The following KLF3 variants were observed in gnomAD, a reference collection of about 807,000 sequenced individuals.
The protein encoded by KLF3 is KLF transcription factor 3.
KLF3 carries 6 observed loss-of-function variants against 32.7 expected under a neutral mutation model. The observed-to-expected ratio is 0.18, with a 90% CI of 0.10 to 0.36. The LOEUF (loss-of-function observed/expected upper bound fraction) is 0.36, where lower values mean the gene tolerates loss of function less well. Among genes scored for constraint, KLF3 ranks in the 10% least tolerant of loss-of-function variants. The pLI, the probability that KLF3 is intolerant of heterozygous loss-of-function variation, is 1.00. For synonymous variants in KLF3, 145 were observed against 172.8 expected (o/e 0.84, Z 1.26); for missense variants, 338 against 449.7 (o/e 0.75, Z 2.25).
rs550720417 is a variant in KLF3, at chr4:38,700,239, A to G, written c.*2976A>G. 6.6e-6 allele frequency: 1 copy of G among 152,330 alleles called. No homozygotes were observed. The highest frequency in any genetic ancestry group is 2.4e-5 in the African/African-American group (1 of 41,582). 9.4% of individuals were successfully genotyped at this position (152,330 alleles called of 1,614,324 possible). ...ACACAGAAGTTTCAAGAGCCTTGGAACAGAATTACAGGGGAACTATATATG... is the reference window on the plus strand; with the variant it reads ...ACACAGAAGTTTCAAGAGCCTTGGAGCAGAATTACAGGGGAACTATATATG... On this transcript the variant is annotated 3_prime_UTR_variant, in exon 6 of 6. Coordinates refer to ENST00000261438, the MANE Select transcript of KLF3 (RefSeq NM_016531.6).
In KLF3 at chr4:38,701,026, ACCAT is replaced by A. The variant is rs1161906330; in HGVS notation, c.*3765_*3768del. Reference sequence around the variant, plus strand: ...TATATATTATATACTTGTTAATAAAACCATCAGAATATTAAATGTGATCATGTGA... The same window carrying A: ...TATATATTATATACTTGTTAATAAAACAGAATATTAAATGTGATCATGTGA... On this transcript the variant is annotated 3_prime_UTR_variant, in exon 6 of 6. Coordinates refer to ENST00000261438, the MANE Select transcript of KLF3 (RefSeq NM_016531.6). 1 of 152,232 alleles carries A rather than the reference ACCAT, an allele frequency of 6.6e-6. No homozygotes were observed. Among genetic ancestry groups the A allele is most frequent in the East Asian group, 1.9e-4 (1 of 5,202 alleles). The allele number at this position is 152,232 out of a possible 1,614,324, so 9.4% of individuals were successfully genotyped here.
intron 1 of KLF3, among the ~76,000 whole-genome samples, chr4:38,668,994 C>A (rs1722118765): frequency 6.6e-6 from 1 of 152,262 alleles, no homozygotes; most frequent in South Asian, 2.1e-4. Flanking sequence ...CATTGTGTCT[C>A]CATCGCCCCT....
At position 38,673,539 on chromosome 4, in the gene KLF3, A is replaced by G. The variant is rs145285154; in HGVS notation, c.-39-7048A>G. ...TGCCTGCCCTTAAAACTAAAACACAAAATTGTCAGAGAGCATAAACAAGTG... is the reference window on the plus strand; with the variant it reads ...TGCCTGCCCTTAAAACTAAAACACAGAATTGTCAGAGAGCATAAACAAGTG... On this transcript the variant is annotated intron_variant, in intron 1 of 5. Coordinates refer to ENST00000261438, the MANE Select transcript of KLF3 (RefSeq NM_016531.6). 2.0e-5 allele frequency among the ~76,000 whole-genome samples: 3 copies of G among 152,328 alleles called. 1 individual carries two copies. Among genetic ancestry groups the G allele is most frequent in the South Asian group, 4.1e-4 (2 of 4,828 alleles).
chr4:38,666,360 A>G (rs969806430), intron 1 of KLF3, among the ~76,000 whole-genome samples: 1 of 152,118 alleles, frequency 6.6e-6, no homozygotes, highest in Non-Finnish European at 1.5e-5. Flanking sequence ...CTATGGGCAC[A>G]GTGATGCTCT....
At position 38,672,464 on chromosome 4, in the gene KLF3, CAG is replaced by C. The variant is rs555651723; in HGVS notation, c.-40+8006_-40+8007del. ...CCCAGGGAGCAATCAGCTGGCTGCACAGAGTGGGGAGGGCCTTGAGCTGGTCT... is the reference window on the plus strand; with the variant it reads ...CCCAGGGAGCAATCAGCTGGCTGCACAGTGGGGAGGGCCTTGAGCTGGTCT... On this transcript the variant is annotated intron_variant, in intron 1 of 5. Coordinates refer to ENST00000261438, the MANE Select transcript of KLF3 (RefSeq NM_016531.6). Among the ~76,000 whole-genome samples the C allele has an allele frequency of 9.9e-5, 15 of 152,142 alleles. No individual in the cohort carries two copies. In the East Asian group the frequency reaches 2.9e-3, roughly 29 times the overall value.
At chr4:38,666,768 T>A (rs1722056268) in intron 1 of KLF3, among the ~76,000 whole-genome samples, 1 of 152,278 alleles carries the variant, frequency 6.6e-6, no homozygotes, top group South Asian at 2.1e-4. Flanking sequence ...TCCCACAGTC[T>A]GTCTTGGAAT....
At chr4:38,682,086 T>C (rs1663733309) in intron 2 of KLF3, among the ~76,000 whole-genome samples, 1 of 152,198 alleles carries the variant, frequency 6.6e-6, no homozygotes, top group South Asian at 2.1e-4. Flanking sequence ...TGAGATGGAG[T>C]CTCACTCTGT....
Position 38,701,171 on chromosome 4 carries a change from G to GA in KLF3, c.*3909dup, listed in dbSNP as rs1723182768. The GA allele has an allele frequency of 6.6e-6, 1 of 152,144 alleles. No individual in the cohort carries two copies. Among genetic ancestry groups the GA allele is most frequent in the African/African-American group, 2.4e-5 (1 of 41,440 alleles). The allele number at this position is 152,144 out of a possible 1,614,324, so 9.4% of individuals were successfully genotyped here. ...TTGTTGATGGAGGGACAGAAAAATAGATCTAACTGGAAGATGAACTACCGG... is the reference window on the plus strand; with the variant it reads ...TTGTTGATGGAGGGACAGAAAAATAGAATCTAACTGGAAGATGAACTACCGG... On this transcript the variant is annotated 3_prime_UTR_variant, in exon 6 of 6. Transcript: ENST00000261438.
At chr4:38,686,783 A>G (rs1207553437) in intron 2 of KLF3, among the ~76,000 whole-genome samples, 1 of 152,208 alleles carries the variant, frequency 6.6e-6, no homozygotes, top group Non-Finnish European at 1.5e-5. Context: ...AACCATGAGG[A>G]CCTGACATCC....
In KLF3 at chr4:38,674,084, T is replaced by C. The variant is rs1489028363; in HGVS notation, c.-39-6503T>C. The stretch of plus-strand genomic sequence containing the variant: ...ATTTAGAAACACCCCATGGAATTTT[T>C]CTCCTTTTCAAACCAGTCATAGAAG... On this transcript the variant is annotated intron_variant, in intron 1 of 5. Transcript: ENST00000261438. This position sits in a 1 kb window ranked among gnomAD's most constrained non-coding sequence, Gnocchi z 4.1. Among the ~76,000 whole-genome samples, 1 of 152,186 alleles carries C rather than the reference T, an allele frequency of 6.6e-6. No individual in the cohort carries two copies. The highest frequency in any genetic ancestry group is 1.5e-5 in the Non-Finnish European group (1 of 68,038).
intron 2 of KLF3, among the ~76,000 whole-genome samples, chr4:38,686,606 G>T (rs546808800): frequency 4.0e-5 from 6 of 151,896 alleles, no homozygotes; most frequent in African/African-American, 1.5e-4. Context: ...GCATTTTAAC[G>T]AGTGCTCCAG....
chr4:38,679,815 T>C (rs915477686), intron 1 of KLF3, among the ~76,000 whole-genome samples: 2 of 152,036 alleles, frequency 1.3e-5, no homozygotes, highest in African/African-American at 4.8e-5. Flanking sequence ...TTAAAGAGGG[T>C]TTGTTAGAAT....
intron 4 of KLF3, 40 bp from the exon 5 acceptor site, chr4:38,694,706 C>T (rs770680939): frequency 1.8e-5 from 27 of 1,503,522 alleles, no homozygotes; most frequent in Middle Eastern, 2.3e-4. Flanking sequence ...AAAGGAAGAG[C>T]GTGCTCTCAA....
chr4:38,692,242 C>A (rs1204825035), intron 4 of KLF3, among the ~76,000 whole-genome samples: 1 of 152,138 alleles, frequency 6.6e-6, no homozygotes, highest in Non-Finnish European at 1.5e-5. Context: ...TTATAATAAT[C>A]CCAAACCATC....
chr4:38,672,087 G>C (rs980806562), intron 1 of KLF3, among the ~76,000 whole-genome samples: 1 of 152,166 alleles, frequency 6.6e-6, no homozygotes, highest in African/African-American at 2.4e-5. Flanking sequence ...GCTAAGGTTA[G>C]GGGCAATAAC....
At position 38,694,914 on chromosome 4, in the gene KLF3, A is replaced by G. The variant is rs759598842; in HGVS notation, c.856+8A>G. The G allele has an allele frequency of 6.3e-7, 1 of 1,594,226 alleles. No individual in the cohort carries two copies. The highest frequency in any genetic ancestry group is 2.3e-5 in the East Asian group (1 of 43,930). Reference sequence around the variant, plus strand: ...ACAGAAGAACACACACAGGTAATAGAAACACCAGACCCACTTCATCTTTCT... The same window carrying G: ...ACAGAAGAACACACACAGGTAATAGGAACACCAGACCCACTTCATCTTTCT... On this transcript the variant is annotated splice_region_variant and intron_variant, in intron 5 of 5. Transcript: ENST00000261438.
rs1723140976 is a variant in KLF3, at chr4:38,699,392, T to G, written c.*2129T>G. On this transcript the variant is annotated 3_prime_UTR_variant, in exon 6 of 6. Coordinates refer to ENST00000261438, the MANE Select transcript of KLF3 (RefSeq NM_016531.6). ...CTTAGTCATATTCATGGCAAAGTGTTCATTTCTTGAGATGGTTCTTTCACA... is the reference window on the plus strand; with the variant it reads ...CTTAGTCATATTCATGGCAAAGTGTGCATTTCTTGAGATGGTTCTTTCACA... 1 of 152,252 alleles carries G rather than the reference T, an allele frequency of 6.6e-6. No homozygotes were observed. Among genetic ancestry groups the G allele is most frequent in the African/African-American group, 2.4e-5 (1 of 41,470 alleles). 9.4% of individuals were successfully genotyped at this position (152,252 alleles called of 1,614,324 possible). A position where few individuals can be genotyped will look rare whatever the true frequency, so the allele number is the denominator to read the frequency against.
chr4:38,686,974 G>A (rs1722722467), intron 2 of KLF3, among the ~76,000 whole-genome samples: 1 of 152,052 alleles, frequency 6.6e-6, no homozygotes, highest in Non-Finnish European at 1.5e-5. Flanking sequence ...AGGAAAGAGG[G>A]TGATCTCAGT....
At chr4:38,664,672 G>T (rs1721949246) in intron 1 of KLF3, 1 of 151,894 alleles carries the variant, frequency 6.6e-6, no homozygotes, top group East Asian at 2.0e-4. Context: ...AGGAGGAGGG[G>T]GTCACGGGTT....
Sources: allele counts gnomAD v4.1 joint callset (sites outside exome capture counted in the v4.1 genomes callset), GRCh38; gene constraint gnomAD v4.1.1; non-coding constraint Gnocchi (gnomAD v3.1); transcripts MANE v1.5; gene names NCBI Gene and HGNC (gene_info 2026-07-23, HGNC 2026-07-21).